Variants in CALB2 observed in about 807,000 individuals in gnomAD.
CALB2 encodes calbindin 2, also known as calretinin.
Under a neutral mutation model 45.9 loss-of-function variants are expected in CALB2, and 34 were observed. The observed-to-expected ratio is 0.74, with a 90% CI of 0.56 to 0.99. The LOEUF (loss-of-function observed/expected upper bound fraction) is 0.99, where lower values mean the gene tolerates loss of function less well. Ranked by LOEUF, CALB2 falls within the 50% of genes least tolerant of loss-of-function variation. The pLI, the probability that CALB2 is intolerant of heterozygous loss-of-function variation, is 0.00. For missense variants in CALB2, 344 were observed against 339.3 expected (o/e 1.01, Z -0.11); for synonymous variants, 142 against 129.6 (o/e 1.10, Z -0.65).
At chr16:71,369,534 T>C (rs1420561204) in intron 1 of CALB2, among the ~76,000 whole-genome samples, 1 of 152,160 alleles carries the variant, frequency 6.6e-6, no homozygotes, top group East Asian at 1.9e-4. Context: ...ACCATGCTGC[T>C]CTGCGGGCTT....
At chr16:71,377,127 G>T (rs1326864282) in intron 3 of CALB2, among the ~76,000 whole-genome samples, 1 of 152,212 alleles carries the variant, frequency 6.6e-6, no homozygotes, top group Non-Finnish European at 1.5e-5. Flanking sequence ...CTTACTGCAA[G>T]AGGGTACCTG....
At chr16:71,373,101 G>A (rs2042371475) in intron 2 of CALB2, among the ~76,000 whole-genome samples, 1 of 152,166 alleles carries the variant, frequency 6.6e-6, no homozygotes, top group Non-Finnish European at 1.5e-5. Context: ...GCAAAGCTCA[G>A]GTGATTGGAA....
chr16:71,384,518 C>A (rs2042542294), intron 8 of CALB2, 140 bp downstream of exon 8: 2 of 715,276 alleles, frequency 2.8e-6, no homozygotes, highest in South Asian at 1.5e-5. Flanking sequence ...ACCACACACA[C>A]AACACACACA....
intron 8 of CALB2, 89 bp from the exon 9 acceptor site, chr16:71,384,670 ACACACACATCACACATGCACACAC>A: frequency 1.3e-4 from 1 of 7,774 alleles, no homozygotes; most frequent in Non-Finnish European, 2.4e-4. Flanking sequence ...CACACACACA[ACACACACATCACACATGCACACAC>A]CACACACATA....
At position 71,384,038 on chromosome 16, in the gene CALB2, C is replaced by T; in HGVS notation, c.533+13C>T. ...CAGAGATGTCCCGGTAAGCACCTCA[C>T]CCCCGGGGTCACTGATACTGGCTCC... is the stretch of plus-strand genomic sequence containing the variant. On this transcript the variant is annotated intron_variant, in intron 7 of 10. Transcript: ENST00000302628. 2.5e-6 allele frequency: 4 copies of T among 1,612,722 alleles called. No individual in the cohort carries two copies. Among genetic ancestry groups the T allele is most frequent in the Non-Finnish European group, 1.7e-6 (2 of 1,178,826 alleles).
Position 71,389,853 on chromosome 16 carries a change from GCCC to G in CALB2, c.808_810del (p.Pro270del). The G allele has an allele frequency of 6.2e-7, 1 of 1,612,710 alleles. No individual in the cohort carries two copies. The highest frequency in any genetic ancestry group is 1.1e-5 in the South Asian group (1 of 91,048). ...ACCTGGAGATTGTGCTCTGCAGCGA[GCCC>G]CCCATGTAAAGTGGGGACGGGGGCT... is the stretch of plus-strand genomic sequence containing the variant. On this transcript the variant is annotated inframe_deletion, in exon 11 of 11. Coordinates refer to ENST00000302628, the MANE Select transcript of CALB2 (RefSeq NM_001740.5).
chr16:71,380,390 C>T (rs1322824117), intron 4 of CALB2, among the ~76,000 whole-genome samples: 1 of 143,480 alleles, frequency 7.0e-6, no homozygotes, highest in African/African-American at 2.6e-5. Context: ...CTCACTACAA[C>T]CTCCGCCTCC....
intron 1 of CALB2, among the ~76,000 whole-genome samples, chr16:71,368,250 C>G (rs958951311): frequency 6.6e-6 from 1 of 152,210 alleles, no homozygotes; most frequent in Non-Finnish European, 1.5e-5. Context: ...GGTCCAGGCA[C>G]GGTGGCTCAC....
In CALB2 at chr16:71,374,697, T is replaced by G. The variant is rs757295115; in HGVS notation, c.172-48T>G. On this transcript the variant is annotated intron_variant, in intron 2 of 10. Coordinates refer to ENST00000302628, the MANE Select transcript of CALB2 (RefSeq NM_001740.5). ...AAGCTTCCTGCTCTGAGATCATGGT[T>G]CACATGAGATACAGCAGCAAAAATC... is the stretch of plus-strand genomic sequence containing the variant. 3.3e-5 allele frequency: 43 copies of G among 1,284,090 alleles called. No individual in the cohort carries two copies. The Middle Eastern group carries it at 5.4e-4, about 16-fold the overall frequency. The allele number at this position is 1,284,090 out of a possible 1,614,324, so 79.5% of individuals were successfully genotyped here. A position where few individuals can be genotyped will look rare whatever the true frequency, so the allele number is the denominator to read the frequency against.
In CALB2 at chr16:71,374,651, C is replaced by A. The variant is rs371362570; in HGVS notation, c.172-94C>A. 3 of 834,238 alleles carry A rather than the reference C, an allele frequency of 3.6e-6. No individual in the cohort carries two copies. The South Asian group carries it at 4.4e-5, about 12-fold the overall frequency. 51.7% of individuals were successfully genotyped at this position (834,238 alleles called of 1,614,324 possible). The stretch of plus-strand genomic sequence containing the variant: ...CACAACTTGGTTCTGCACCCACTTA[C>A]CCAGGATGCAAATGATTTCCAAGCT... On this transcript the variant is annotated intron_variant, in intron 2 of 10. Coordinates refer to ENST00000302628, the MANE Select transcript of CALB2 (RefSeq NM_001740.5).
intron 1 of CALB2, among the ~76,000 whole-genome samples, chr16:71,360,312 G>C (rs2042225662): frequency 6.6e-6 from 1 of 152,162 alleles, no homozygotes; most frequent in African/African-American, 2.4e-5. Context: ...AGCTAGAGGG[G>C]TAGGGGACTA....
At chr16:71,378,729 G>A (rs1318854969) in intron 4 of CALB2, among the ~76,000 whole-genome samples, 1 of 152,170 alleles carries the variant, frequency 6.6e-6, no homozygotes, top group Non-Finnish European at 1.5e-5. Flanking sequence ...GGGATTTGTT[G>A]TGGTCATTTG....
intron 6 of CALB2, 122 bp from the exon 7 acceptor site, chr16:71,383,848 G>T: frequency 8.8e-7 from 1 of 1,141,010 alleles, no homozygotes; most frequent in Non-Finnish European, 1.3e-6. Flanking sequence ...TGGCCCCTAC[G>T]GACCTCAGAG....
intron 9 of CALB2, among the ~76,000 whole-genome samples, chr16:71,385,160 A>G (rs2042556143): frequency 6.6e-6 from 1 of 152,182 alleles, no homozygotes; most frequent in Non-Finnish European, 1.5e-5. Flanking sequence ...AATTCTGCCC[A>G]GGGCCAAGTC....
In CALB2 at chr16:71,383,287, G is replaced by A. The variant is rs1177970435; in HGVS notation, c.400-80G>A. The A allele has an allele frequency of 1.4e-5, 18 of 1,244,634 alleles. No individual in the cohort carries two copies. The Middle Eastern group carries it at 5.5e-4, about 38-fold the overall frequency. The allele number at this position is 1,244,634 out of a possible 1,614,324, so 77.1% of individuals were successfully genotyped here. A position where few individuals can be genotyped will look rare whatever the true frequency, so the allele number is the denominator to read the frequency against. Reference sequence around the variant, plus strand: ...ACACACACACACACATTGAGAGACTGTCTGAATGAGCAAGTAAGGAAATGA... The same window carrying A: ...ACACACACACACACATTGAGAGACTATCTGAATGAGCAAGTAAGGAAATGA... On this transcript the variant is annotated intron_variant, in intron 5 of 10. Transcript: ENST00000302628.
Position 71,380,344 on chromosome 16 carries a change from C to T in CALB2, c.343-2375C>T, listed in dbSNP as rs1159059801. ...TTTTTTTTTGAGACGGAGTTTCGCT[C>T]GTTGCCCAGCCTGGAGTGCAATGGT... On this transcript the variant is annotated intron_variant, in intron 4 of 10. Transcript: ENST00000302628. Among the ~76,000 whole-genome samples the T allele has an allele frequency of 3.9e-5, 4 of 103,628 alleles. No individual in the cohort carries two copies. In the South Asian group the frequency reaches 1.0e-3, roughly 27 times the overall value. The allele number at this position is 103,628 out of a possible 152,430, so 68.0% of individuals were successfully genotyped here. A position where few individuals can be genotyped will look rare whatever the true frequency, so the allele number is the denominator to read the frequency against.
chr16:71,365,490 G>A (rs1366876768), intron 1 of CALB2, among the ~76,000 whole-genome samples: 2 of 152,208 alleles, frequency 1.3e-5, no homozygotes, highest in Non-Finnish European at 2.9e-5. Context: ...ACACTCATAT[G>A]TCTGGCCTAG....
Position 71,383,375 on chromosome 16 carries a change from G to A in CALB2, c.408G>A (p.Leu136=), listed in dbSNP as rs2042522897. ...GGCCTTTTGTGTTGCAGGGATTCCT[G>A]TCAGACCTGCTGAAGAAGGCGAACC... ...YIEANELKGF[L]SDLLKKANRP... is the part of the protein sequence containing the mutation. The change falls in exon 6 of 11, where the codon CTG becomes CTA. Residue 136 remains leucine (L), a synonymous_variant. Coordinates refer to ENST00000302628, the MANE Select transcript of CALB2 (RefSeq NM_001740.5). The A allele has an allele frequency of 6.2e-7, 1 of 1,614,134 alleles. No individual in the cohort carries two copies. The highest frequency in any genetic ancestry group is 1.1e-5 in the South Asian group (1 of 91,082).
chr16:71,369,632 C>G (rs1157698943), intron 1 of CALB2, among the ~76,000 whole-genome samples: 1 of 152,164 alleles, frequency 6.6e-6, no homozygotes, highest in African/African-American at 2.4e-5. Context: ...GCTCCTGTGG[C>G]CTCTGCTTCA....
Sources: gnomAD v4.1 joint callset for allele counts (sites outside exome capture counted in the v4.1 genomes callset) on GRCh38, gnomAD v4.1.1 for gene constraint, MANE v1.5 for transcripts, NCBI Gene and HGNC (gene_info 2026-07-23, HGNC 2026-07-21) for gene names.